NGLY1: variants seen among roughly 807,000 people sequenced by gnomAD.
The protein encoded by NGLY1 is N-glycanase 1.
A neutral mutation model predicts 84.6 loss-of-function variants in NGLY1; 68 were observed. The observed-to-expected ratio is 0.80, with a 90% confidence interval of 0.66 to 0.98. The LOEUF (loss-of-function observed/expected upper bound fraction) is 0.98. Ranked by LOEUF, NGLY1 falls within the 50% of genes least tolerant of loss-of-function variation. NGLY1 has a pLI of 0.00. For synonymous variants in NGLY1, 280 were observed against 275.2 expected (o/e 1.02, Z -0.17); for missense variants, 779 against 770.2 (o/e 1.01, Z -0.14).
At chr3:25,749,466 C>T (rs1706611925) in intron 4 of NGLY1, 1 of 1,328,494 alleles carries the variant, frequency 7.5e-7, no homozygotes, top group Non-Finnish European at 1.1e-6. Context: ...ACAGAGGTGG[C>T]AGCCATCTCC....
Position 25,751,272 on chromosome 3 carries a change from A to G in NGLY1, c.493-9T>C, listed in dbSNP as rs763962126. 2 of 1,142,882 alleles carry G rather than the reference A, an allele frequency of 1.7e-6. No individual in the cohort carries two copies. Among genetic ancestry groups the G allele is most frequent in the East Asian group, 6.1e-5 (2 of 32,644 alleles). The allele number at this position is 1,142,882 out of a possible 1,614,324, so 70.8% of individuals were successfully genotyped here. A position where few individuals can be genotyped will look rare whatever the true frequency, so the allele number is the denominator to read the frequency against. ...GCTGAGTCAGCAGCAACCTAATAGG[A>G]AAAAAAAAAACTGAAATTAACTTTT... On this transcript the variant is annotated splice_polypyrimidine_tract_variant and intron_variant, in intron 3 of 11. Transcript: ENST00000280700.
At chr3:25,725,967 C>G (rs1705235964) in intron 10 of NGLY1, among the ~76,000 whole-genome samples, 1 of 152,218 alleles carries the variant, frequency 6.6e-6, no homozygotes, top group South Asian at 2.1e-4. Context: ...TGAGGCTTGC[C>G]TCTTAATTCA....
intron 2 of NGLY1, among the ~76,000 whole-genome samples, chr3:25,766,173 C>A (rs2125294463): frequency 6.6e-6 from 1 of 151,782 alleles, no homozygotes; most frequent in South Asian, 2.1e-4. Context: ...TCAAGCAATT[C>A]TCCTGCCTCA....
At chr3:25,750,993 T>C (rs1327061429) in intron 4 of NGLY1, 105 bp downstream of exon 4, 23 of 1,104,636 alleles carry the variant, frequency 2.1e-5, no homozygotes, top group Non-Finnish European at 2.9e-5. Flanking sequence ...AGTGGACCCA[T>C]GCAGTTCAAA....
rs767764236 is a variant in NGLY1 at position 25,778,666 on chromosome 3, T to G, written c.154A>C (p.Arg52=). 7.5e-6 allele frequency: 12 copies of G among 1,607,650 alleles called. No individual in the cohort carries two copies. The Admixed American group carries it at 2.0e-4, about 27-fold the overall frequency. ...GCTGTGTTTCCAATCCGGATGGATC[T>G]ATATTTTTCATCATTAGGGTTTCTG... ...ILRNPNDEKY[R]SIRIGNTAFS... The change falls in exon 2 of 12, where the codon AGA becomes CGA. Residue 52 remains arginine, a synonymous_variant. Coordinates refer to ENST00000280700, the MANE Select transcript of NGLY1 (RefSeq NM_018297.4).
chr3:25,755,438 T>G (rs1706992030), intron 3 of NGLY1: 1 of 1,462,352 alleles, frequency 6.8e-7, no homozygotes, highest in Non-Finnish European at 9.6e-7. Flanking sequence ...AAATAAAGTT[T>G]CAACTCCAAT....
At chr3:25,720,297 T>A in intron 10 of NGLY1, 106 bp from the exon 11 acceptor site, 1 of 858,950 alleles carries the variant, frequency 1.2e-6, no homozygotes, top group Non-Finnish European at 1.7e-6. Flanking sequence ...TATGTACAAG[T>A]GGTTATTTAA....
chr3:25,769,374 T>A, intron 2 of NGLY1, among the ~76,000 whole-genome samples: 1 of 151,560 alleles, frequency 6.6e-6, no homozygotes, highest in Non-Finnish European at 1.5e-5. Flanking sequence ...AAATAATAAA[T>A]AAAAATAAAA....
In NGLY1 at chr3:25,719,202, C is replaced by A; in HGVS notation, c.*258G>T. On this transcript the variant is annotated 3_prime_UTR_variant, in exon 12 of 12. Coordinates refer to ENST00000280700, the MANE Select transcript of NGLY1 (RefSeq NM_018297.4). ...TATTTAACTTTTAAAACCATACTTA[C>A]AGTTTTAGATTAAAATCCCATATTG... 6.8e-6 allele frequency: 2 copies of A among 292,922 alleles called. No individual in the cohort carries two copies. 18.1% of individuals were successfully genotyped at this position (292,922 alleles called of 1,614,324 possible).
chr3:25,753,273 A>G (rs910862588), intron 3 of NGLY1, among the ~76,000 whole-genome samples: 1 of 152,196 alleles, frequency 6.6e-6, no homozygotes, highest in African/African-American at 2.4e-5. Flanking sequence ...TCTGAGGGGA[A>G]ATGATTAGGA....
chr3:25,719,346 G>T lies in NGLY1; in HGVS notation c.*114C>A. The T allele has an allele frequency of 1.4e-6, 1 of 733,164 alleles. No homozygotes were observed. 45.4% of individuals were successfully genotyped at this position (733,164 alleles called of 1,614,324 possible). ...ATGAGGGTTACATGATGGATAGCTAGCAAAAGAAATATGCTAGCACAGGGT... is the reference window on the plus strand; with the variant it reads ...ATGAGGGTTACATGATGGATAGCTATCAAAAGAAATATGCTAGCACAGGGT... On this transcript the variant is annotated 3_prime_UTR_variant, in exon 12 of 12. Transcript: ENST00000280700.
At chr3:25,772,334 A>G (rs1707933915) in intron 2 of NGLY1, among the ~76,000 whole-genome samples, 1 of 152,148 alleles carries the variant, frequency 6.6e-6, no homozygotes, top group African/African-American at 2.4e-5. Context: ...CTCCAGTGTT[A>G]GGTGCATACA....
intron 2 of NGLY1, among the ~76,000 whole-genome samples, chr3:25,771,984 A>G (rs761391021): frequency 2.6e-5 from 4 of 152,176 alleles, no homozygotes; most frequent in Non-Finnish European, 5.9e-5. Flanking sequence ...AAACAGCAAC[A>G]GTCTATTCCT....
At chr3:25,759,917 A>ACAC (rs1559549311) in intron 3 of NGLY1, among the ~76,000 whole-genome samples, 8 of 41,732 alleles carry the variant, frequency 1.9e-4, no homozygotes, top group African/African-American at 2.9e-4. Flanking sequence ...TAGTTAAAAA[A>ACAC]ACACACACAC....
At chr3:25,764,434 C>G (rs1192365614) in intron 2 of NGLY1, 123 bp from the exon 3 acceptor site, 4 of 1,063,406 alleles carry the variant, frequency 3.8e-6, no homozygotes, top group Non-Finnish European at 5.3e-6. Context: ...TAAAATCATA[C>G]TGTTTTCTTA....
chr3:25,720,170 CT>C lies in NGLY1; in HGVS notation c.1632del (p.Gly545AspfsTer18). The C allele has an allele frequency of 2.5e-6, 4 of 1,613,686 alleles. No homozygotes were observed. The highest frequency in any genetic ancestry group is 3.4e-6 in the Non-Finnish European group (4 of 1,179,768). Reference protein sequence around the residue: ...DWHMVYLARKEGSSFAYISWK... With the variant: ...DWHMVYLARKXGSSFAYISWK... ...CAGGAAATATAAGCAAAAGATGATCCTTCCTTTCGGGCCAAATATACCTATA... is the reference window on the plus strand; with the variant it reads ...CAGGAAATATAAGCAAAAGATGATCCTCCTTTCGGGCCAAATATACCTATA... On this transcript the variant is annotated frameshift_variant, in exon 11 of 12. Transcript: ENST00000280700. LOFTEE classifies it high-confidence loss of function.
chr3:25,746,188 G>A (rs1451779627), intron 4 of NGLY1, among the ~76,000 whole-genome samples: 1 of 151,994 alleles, frequency 6.6e-6, no homozygotes, highest in Non-Finnish European at 1.5e-5. Context: ...TTCCCAAATA[G>A]AGCCTGTCCT....
chr3:25,783,056 T>C lies in NGLY1; in HGVS notation c.131+204A>G, dbSNP rs1708492557. ...TCACAACTGCAAAGAAACTTCCTTT[T>C]CTCGAGCGGGGGTGGGACTTGGCCG... On this transcript the variant is annotated intron_variant, in intron 1 of 11. Coordinates refer to ENST00000280700, the MANE Select transcript of NGLY1 (RefSeq NM_018297.4). The surrounding 1 kb of genome is among the most constrained non-coding windows in gnomAD (Gnocchi z 4.5). The C allele has an allele frequency of 1.9e-6, 1 of 529,398 alleles. No homozygotes were observed. Among genetic ancestry groups the C allele is most frequent in the Non-Finnish European group, 3.4e-6 (1 of 296,520 alleles). 32.8% of individuals were successfully genotyped at this position (529,398 alleles called of 1,614,324 possible).
At chr3:25,765,575 C>G (rs1389689614) in intron 2 of NGLY1, among the ~76,000 whole-genome samples, 1 of 152,026 alleles carries the variant, frequency 6.6e-6, no homozygotes, top group Non-Finnish European at 1.5e-5. Flanking sequence ...GGCAGACCTA[C>G]AGGAATCAAC....
Sources: allele counts gnomAD v4.1 joint callset (sites outside exome capture counted in the v4.1 genomes callset), GRCh38; gene constraint gnomAD v4.1.1; non-coding constraint Gnocchi (gnomAD v3.1); transcripts MANE v1.5; gene names NCBI Gene and HGNC (gene_info 2026-07-23, HGNC 2026-07-21).